SLC52A3: variants seen among roughly 807,000 people sequenced by gnomAD.
SLC52A3 encodes the protein solute carrier family 52, riboflavin transporter, member 3.
In SLC52A3, 20 loss-of-function variants were observed where a neutral mutation model predicts 29.5. The observed-to-expected ratio is 0.68, with a 90% CI of 0.48 to 0.99. SLC52A3 has a LOEUF of 0.99. SLC52A3 is among the 50% of genes least tolerant of loss of function. SLC52A3 has a pLI of 0.00. For synonymous variants in SLC52A3, 301 were observed against 271.0 expected (o/e 1.11, Z -1.09); for missense variants, 548 against 612.9 (o/e 0.89, Z 1.12).
intron 2 of SLC52A3, 90 bp from the exon 3 acceptor site, chr20:764,093 T>C (rs1348714471): frequency 3.2e-6 from 4 of 1,250,180 alleles, no homozygotes; most frequent in Non-Finnish European, 4.4e-6. Context: ...ACAGATCACC[T>C]GTTATTATTA....
upstream of SLC52A3, among the ~76,000 whole-genome samples, chr20:778,013 C>CTTTTTTT (rs71191974): frequency 3.0e-5 from 4 of 134,342 alleles, no homozygotes; most frequent in Non-Finnish European, 6.4e-5. Flanking sequence ...TAGAGACTTT[C>CTTTTTTT]TTTTTTTTTT....
Position 763,664 on chromosome 20 carries a change from T to C in SLC52A3, c.907A>G (p.Ile303Val), listed in dbSNP as rs3746802. 0.11 allele frequency: 172,994 copies of C among 1,614,092 alleles called. 9,708 individuals carry two copies. The highest frequency in any genetic ancestry group is 0.14 in the South Asian group (12,769 of 91,082). ...TTGACGAAGGCCACCAGGGTATAGA[T>C]GAAGGCCAGGTGCGCCGGGCAGCAG... ...APCCPAHLAFIYTLVAFVNAL... is the reference protein window; with the variant it reads ...APCCPAHLAFVYTLVAFVNAL... Residue 303 changes from isoleucine to valine, a missense_variant, in exon 3 of 5, where the codon ATC becomes GTC. This residue lies in a region of SLC52A3 where 375 missense variants were observed against 471.1 expected (regional missense o/e 0.80). Coordinates refer to ENST00000645534, the MANE Select transcript of SLC52A3 (RefSeq NM_033409.4).
In SLC52A3 at chr20:760,760, G is replaced by A. The variant is rs1205214856; in HGVS notation, c.*266C>T. Reference sequence around the variant, plus strand: ...TCTAACACCCTTGGGCCTGCCTCCAGCTAGATGCTGCAAATCAGTCCTCTC... The same window carrying A: ...TCTAACACCCTTGGGCCTGCCTCCAACTAGATGCTGCAAATCAGTCCTCTC... On this transcript the variant is annotated 3_prime_UTR_variant, in exon 5 of 5. Transcript: ENST00000645534. The surrounding 1 kb of genome is among the most constrained non-coding windows in gnomAD (Gnocchi z 4.9). 1 of 534,658 alleles carries A rather than the reference G, an allele frequency of 1.9e-6. No homozygotes were observed. Among genetic ancestry groups the A allele is most frequent in the East Asian group, 3.0e-5 (1 of 33,314 alleles). 33.1% of individuals were successfully genotyped at this position (534,658 alleles called of 1,614,324 possible). A position where few individuals can be genotyped will look rare whatever the true frequency, so the allele number is the denominator to read the frequency against.
upstream of SLC52A3, among the ~76,000 whole-genome samples, chr20:777,272 C>CAAAACA (rs148871580): frequency 4.8e-3 from 704 of 148,004 alleles, 6 homozygotes; most frequent in African/African-American, 0.016. Context: ...AAACAAAAAA[C>CAAAACA]AAAAAAAAAA....
Position 763,585 on chromosome 20 carries a change from TAGGACAGGC to T in SLC52A3, c.977_985del (p.Cys326_Ser328del). On this transcript the variant is annotated inframe_deletion, in exon 3 of 5. Transcript: ENST00000645534. The stretch of plus-strand genomic sequence containing the variant: ...AGCCAGGTGGTAGGCAACTGGCCCA[TAGGACAGGC>T]AGGAGTAGGTCTGCACAGAGGGCAG... The T allele has an allele frequency of 6.2e-7, 1 of 1,614,098 alleles. No individual in the cohort carries two copies. Among genetic ancestry groups the T allele is most frequent in the Non-Finnish European group, 8.5e-7 (1 of 1,180,002 alleles).
upstream of SLC52A3, among the ~76,000 whole-genome samples, chr20:770,088 GCC>G (rs777834653): frequency 8.6e-5 from 13 of 151,866 alleles, no homozygotes; most frequent in South Asian, 2.7e-3. The surrounding 1 kb of genome is among the most constrained non-coding windows in gnomAD (Gnocchi z 4.5). Flanking sequence ...GCAGCTCGTT[GCC>G]AGCACTCATT....
At chr20:769,865 C>G (rs1003260657), upstream of SLC52A3, among the ~76,000 whole-genome samples, 1 of 152,040 alleles carries the variant, frequency 6.6e-6, no homozygotes, top group Non-Finnish European at 1.5e-5. Flanking sequence ...CCACTGCACT[C>G]CAGCCTGGGC....
At chr20:778,518 T>C (rs1987130035), upstream of SLC52A3, among the ~76,000 whole-genome samples, 1 of 152,290 alleles carries the variant, frequency 6.6e-6, no homozygotes, top group East Asian at 1.9e-4. Context: ...ATGGTTTCTC[T>C]CCTGTTACTC....
chr20:772,966 G>A (rs1032128020), upstream of SLC52A3, among the ~76,000 whole-genome samples: 5 of 152,228 alleles, frequency 3.3e-5, no homozygotes, highest in Non-Finnish European at 7.3e-5. Flanking sequence ...GCTGTTCAAA[G>A]GACAGCTAGG....
chr20:768,639 C>A (rs1490184668), upstream of SLC52A3: 1 of 152,266 alleles, frequency 6.6e-6, no homozygotes, highest in Admixed American at 6.5e-5. Context: ...TGCTCAGTGG[C>A]CTTTCTGGTC....
chr20:764,468 T>TCCCCCACCTAAGGGGAGAG (rs1568722530), intron 2 of SLC52A3, among the ~76,000 whole-genome samples: 3 of 149,314 alleles, frequency 2.0e-5, no homozygotes, highest in African/African-American at 5.0e-5. Context: ...AAGGGGAGAA[T>TCCCCCACCTAAGGGGAGAG]CCCCCACCTA....
Position 765,983 on chromosome 20 carries a change from G to A in SLC52A3, c.-51-158C>T, listed in dbSNP as rs1986674512. The A allele has an allele frequency of 3.4e-6, 2 of 592,284 alleles. No homozygotes were observed. Among genetic ancestry groups the A allele is most frequent in the Non-Finnish European group, 6.0e-6 (2 of 334,428 alleles). 36.7% of individuals were successfully genotyped at this position (592,284 alleles called of 1,614,324 possible). On this transcript the variant is annotated intron_variant, in intron 1 of 4. Coordinates refer to ENST00000645534, the MANE Select transcript of SLC52A3 (RefSeq NM_033409.4). This position sits in a 1 kb window ranked among gnomAD's most constrained non-coding sequence, Gnocchi z 6.6. ...ACATAGTTTCACTCTTTTAGTCCAG[G>A]CTGGAGTGCAATGGGATGATCTCGG...
At chr20:764,976 T>C (rs572641575) in intron 2 of SLC52A3, among the ~76,000 whole-genome samples, 3 of 152,368 alleles carry the variant, frequency 2.0e-5, no homozygotes, top group Non-Finnish European at 2.9e-5. Context: ...TAGCTCAGGA[T>C]GCTATAGAAG....
intron 4 of SLC52A3, 110 bp from the exon 5 acceptor site, chr20:761,348 C>CTCCTCGCACCTAGA: frequency 8.1e-7 from 1 of 1,230,410 alleles, no homozygotes; most frequent in Non-Finnish European, 1.1e-6. Flanking sequence ...TCTCTAGGTG[C>CTCCTCGCACCTAGA]GAGGAGCGCC....
chr20:760,995 G>T lies in SLC52A3; in HGVS notation c.*31C>A, dbSNP rs1433717533. The T allele has an allele frequency of 6.4e-7, 1 of 1,573,944 alleles. No homozygotes were observed. The highest frequency in any genetic ancestry group is 1.4e-5 in the African/African-American group (1 of 73,712). On this transcript the variant is annotated 3_prime_UTR_variant, in exon 5 of 5. Transcript: ENST00000645534. This position sits in a 1 kb window ranked among gnomAD's most constrained non-coding sequence, Gnocchi z 4.9. ...GCCTCTCTGGACCCCAGTTCCGTCCGTGAGCGATGGGGGCGGGGTCGGCGG... is the reference window on the plus strand; with the variant it reads ...GCCTCTCTGGACCCCAGTTCCGTCCTTGAGCGATGGGGGCGGGGTCGGCGG...
Position 760,954 on chromosome 20 carries a change from C to CT in SLC52A3, c.*71dup. 1 of 1,442,398 alleles carries CT rather than the reference C, an allele frequency of 6.9e-7. No homozygotes were observed. Among genetic ancestry groups the CT allele is most frequent in the Non-Finnish European group, 9.5e-7 (1 of 1,050,460 alleles). 89.3% of individuals were successfully genotyped at this position (1,442,398 alleles called of 1,614,324 possible). On this transcript the variant is annotated 3_prime_UTR_variant, in exon 5 of 5. Transcript: ENST00000645534. The surrounding 1 kb of genome is among the most constrained non-coding windows in gnomAD (Gnocchi z 4.9). ...AGGCTCTGTCTCTCTGTTCCTGCCC[C>CT]TTGCTCTGTGACCTGGCCTCTCTGG...
At chr20:778,860 A>T (rs535975022), upstream of SLC52A3, among the ~76,000 whole-genome samples, 2 of 152,034 alleles carry the variant, frequency 1.3e-5, no homozygotes, top group Non-Finnish European at 2.9e-5. Flanking sequence ...GATTACAGGC[A>T]TGAGCCACTG....
rs1292757247 is a variant in SLC52A3 at position 761,842 on chromosome 20, A to T, written c.1074-18T>A. The T allele has an allele frequency of 1.9e-6, 3 of 1,614,002 alleles. No individual in the cohort carries two copies. The highest frequency in any genetic ancestry group is 2.5e-6 in the Non-Finnish European group (3 of 1,179,948). On this transcript the variant is annotated intron_variant, in intron 3 of 4. Coordinates refer to ENST00000645534, the MANE Select transcript of SLC52A3 (RefSeq NM_033409.4). ...GCAGAGACCTAGAGGAAAGTAGGGGAGGTGAGTGGAGGTGAGAAGCCTGAC... is the reference window on the plus strand; with the variant it reads ...GCAGAGACCTAGAGGAAAGTAGGGGTGGTGAGTGGAGGTGAGAAGCCTGAC...
intron 1 of SLC52A3, among the ~76,000 whole-genome samples, chr20:775,435 G>T (rs975248518): frequency 1.3e-5 from 2 of 151,922 alleles, no homozygotes; most frequent in Non-Finnish European, 2.9e-5. Flanking sequence ...CACCACGTCC[G>T]ACCTGGGTAA....
Sources: gnomAD v4.1 joint callset for allele counts (sites outside exome capture counted in the v4.1 genomes callset) on GRCh38, gnomAD v4.1.1 for gene constraint, gnomAD v4.1.1 regional missense constraint, Gnocchi (gnomAD v3.1) non-coding constraint, MANE v1.5 for transcripts, NCBI Gene and HGNC (gene_info 2026-07-23, HGNC 2026-07-21) for gene names.